NCKAP5: variants seen among roughly 807,000 people sequenced by gnomAD.
NCKAP5 encodes NCK associated protein 5.
In NCKAP5, 92 loss-of-function variants were observed where a neutral mutation model predicts 167.0. The observed-to-expected ratio is 0.55, with a 90% CI of 0.47 to 0.66. The LOEUF is 0.66. Among genes scored for constraint, NCKAP5 ranks in the 30% least tolerant of loss-of-function variants. NCKAP5 has a pLI of 0.00. For missense variants in NCKAP5, 2,378 were observed against 2,315.0 expected (o/e 1.03, Z -0.56); for synonymous variants, 891 against 877.4 (o/e 1.02, Z -0.27).
chr2:133,308,956 C>T (rs931839196), intron 3 of NCKAP5, among the ~76,000 whole-genome samples: 3 of 149,994 alleles, frequency 2.0e-5, no homozygotes, highest in Admixed American at 6.6e-5. Context: ...ATGATCCACC[C>T]GCCTCGGCCT....
intron 13 of NCKAP5, among the ~76,000 whole-genome samples, chr2:132,786,064 G>A (rs1195684956): frequency 6.6e-6 from 1 of 152,228 alleles, no homozygotes; most frequent in African/African-American, 2.4e-5. Context: ...ATTCAGAGGA[G>A]GGAGGCCACA....
chr2:132,719,773 C>A (rs1297698068), intron 19 of NCKAP5, among the ~76,000 whole-genome samples: 1 of 152,156 alleles, frequency 6.6e-6, no homozygotes, highest in Non-Finnish European at 1.5e-5. Flanking sequence ...AGAGCATGGA[C>A]GATGAGAGCG....
At chr2:132,971,623 A>C (rs929614450) in intron 7 of NCKAP5, among the ~76,000 whole-genome samples, 1 of 152,218 alleles carries the variant, frequency 6.6e-6, no homozygotes, top group African/African-American at 2.4e-5. Context: ...GCGGGAGTTG[A>C]AGGAACCATT....
chr2:133,025,820 T>C lies in NCKAP5; in HGVS notation c.342-31581A>G, dbSNP rs2078676282. ...GACTGCCCAGAAAGGGTAGAACATA[T>C]TATTTTAAAAAATTTTTAAGATCCA... On this transcript the variant is annotated intron_variant, in intron 6 of 19. Coordinates refer to ENST00000409261, the MANE Select transcript of NCKAP5 (RefSeq NM_207363.3). 2.0e-5 allele frequency among the ~76,000 whole-genome samples: 3 copies of C among 152,182 alleles called. No homozygotes were observed. The South Asian group carries it at 6.2e-4, about 31-fold the overall frequency.
intron 16 of NCKAP5, among the ~76,000 whole-genome samples, chr2:132,750,701 T>A (rs1680037250): frequency 6.6e-6 from 1 of 152,140 alleles, no homozygotes; most frequent in Admixed American, 6.5e-5. Flanking sequence ...GAGCAGAGTT[T>A]CTAGGAAGTA....
At chr2:133,548,404 G>C (rs1375163090) in intron 2 of NCKAP5, among the ~76,000 whole-genome samples, 1 of 151,664 alleles carries the variant, frequency 6.6e-6, no homozygotes, top group African/African-American at 2.4e-5. Flanking sequence ...CTCGAGAAGA[G>C]CAACTCCAAG....
At chr2:133,325,585 G>A (rs1039353439) in intron 3 of NCKAP5, among the ~76,000 whole-genome samples, 2 of 152,084 alleles carry the variant, frequency 1.3e-5, no homozygotes, top group African/African-American at 4.8e-5. Context: ...TTATTGTTGG[G>A]TGCAGGCACT....
At chr2:132,753,654 A>G (rs1009728498) in intron 16 of NCKAP5, among the ~76,000 whole-genome samples, 1 of 152,180 alleles carries the variant, frequency 6.6e-6, no homozygotes, top group African/African-American at 2.4e-5. Flanking sequence ...TTGATTAAAG[A>G]GTTGACTCAG....
At chr2:132,917,951 C>T (rs1328342216) in intron 8 of NCKAP5, among the ~76,000 whole-genome samples, 1 of 152,186 alleles carries the variant, frequency 6.6e-6, no homozygotes, top group Non-Finnish European at 1.5e-5. Flanking sequence ...CTATCATTGG[C>T]TGCAAGGGAA....
chr2:132,871,516 T>G (rs566600013), intron 9 of NCKAP5, among the ~76,000 whole-genome samples: 36 of 152,308 alleles, frequency 2.4e-4, no homozygotes, highest in Admixed American at 7.2e-4. Context: ...CTGAAACCAT[T>G]CTGGTAACGG....
chr2:132,990,290 G>A (rs1016180645), intron 7 of NCKAP5, among the ~76,000 whole-genome samples: 4 of 152,124 alleles, frequency 2.6e-5, no homozygotes, highest in Admixed American at 2.6e-4. Context: ...TTACGTTGTT[G>A]AATATATATG....
chr2:133,491,805 C>T (rs561278013), intron 3 of NCKAP5, among the ~76,000 whole-genome samples: 25 of 152,192 alleles, frequency 1.6e-4, no homozygotes, highest in Admixed American at 7.2e-4. Flanking sequence ...ACAGTAGTCA[C>T]TTCCCGCAGA....
chr2:132,861,595 C>A (rs1156613408), intron 10 of NCKAP5, among the ~76,000 whole-genome samples: 3 of 152,106 alleles, frequency 2.0e-5, no homozygotes, highest in Admixed American at 2.0e-4. Flanking sequence ...ACCTTCTTCT[C>A]TTTTCCTTCC....
intron 6 of NCKAP5, among the ~76,000 whole-genome samples, chr2:133,013,795 C>T (rs2078243992): frequency 6.6e-6 from 1 of 152,126 alleles, no homozygotes; most frequent in Non-Finnish European, 1.5e-5. Flanking sequence ...GCACCTACAT[C>T]CTGGTTTACA....
At chr2:133,519,926 A>G (rs1458298337) in intron 2 of NCKAP5, among the ~76,000 whole-genome samples, 1 of 152,106 alleles carries the variant, frequency 6.6e-6, no homozygotes, top group African/African-American at 2.4e-5. Context: ...GGTGGCTCAC[A>G]CCTGTCATCC....
chr2:133,470,838 C>G (rs1474850815), intron 3 of NCKAP5, among the ~76,000 whole-genome samples: 1 of 152,248 alleles, frequency 6.6e-6, no homozygotes, highest in Non-Finnish European at 1.5e-5. Flanking sequence ...CTTGCGCTTC[C>G]CAAGTGAGGC....
At chr2:133,614,804 C>G in the NCKAP5 span, among the ~76,000 whole-genome samples, 1 of 151,024 alleles carries the variant, frequency 6.6e-6, no homozygotes, top group Non-Finnish European at 1.5e-5. Context: ...GAGAATGCCA[C>G]AAAGATACTC....
chr2:132,992,108 G>A (rs1316123819), intron 7 of NCKAP5, among the ~76,000 whole-genome samples: 1 of 152,096 alleles, frequency 6.6e-6, no homozygotes, highest in Non-Finnish European at 1.5e-5. Context: ...TACAGTTCAT[G>A]TAACCCACCT....
Position 133,542,877 on chromosome 2 carries a change from C to A in NCKAP5, c.-62+16173G>T, listed in dbSNP as rs538626650. Among the ~76,000 whole-genome samples, 18 of 152,282 alleles carry A rather than the reference C, an allele frequency of 1.2e-4. No individual in the cohort carries two copies. The East Asian group carries it at 3.5e-3, about 29-fold the overall frequency. ...GATATAAAATCACTTAAGTTAGCTT[C>A]TCTGGTCTCTACTTTTCTTATTTAT... On this transcript the variant is annotated intron_variant, in intron 2 of 19. Coordinates refer to ENST00000409261, the MANE Select transcript of NCKAP5 (RefSeq NM_207363.3).
Sources: allele counts gnomAD v4.1 joint callset (sites outside exome capture counted in the v4.1 genomes callset), GRCh38; gene constraint gnomAD v4.1.1; transcripts MANE v1.5; gene names NCBI Gene and HGNC (gene_info 2026-07-23, HGNC 2026-07-21).